The following ITIH6 variants were observed in gnomAD, a reference collection of about 807,000 sequenced individuals.
The protein encoded by ITIH6 is inter-alpha-trypsin inhibitor heavy chain family member 6.
In ITIH6, 60 loss-of-function variants were observed where a neutral mutation model predicts 58.2. That is an observed-to-expected ratio of 1.03 (90% CI 0.84 to 1.28). The LOEUF is 1.28. Among genes scored for constraint, ITIH6 ranks in the 50% most tolerant of loss-of-function variants. The pLI is 0.00. For missense variants in ITIH6, 1,290 were observed against 1,021.1 expected (o/e 1.26, Z -3.59); for synonymous variants, 493 against 417.4 (o/e 1.18, Z -2.21).
At chrX:54,759,045 C>G in intron 7 of ITIH6, 47 bp from the exon 8 acceptor site, 1 of 959,521 alleles carries the variant, frequency 1.0e-6, no homozygotes, top group Non-Finnish European at 1.4e-6. Context: ...GTCACTTCTA[C>G]CCCCATTGCA....
intron 6 of ITIH6, among the ~76,000 whole-genome samples, chrX:54,770,330 A>G (rs1297981493): frequency 8.9e-6 from 1 of 111,921 alleles, no homozygotes; most frequent in Admixed American, 9.4e-5. Context: ...TGCAGAAATC[A>G]CCCGTCTTAT....
intron 12 of ITIH6, among the ~76,000 whole-genome samples, 176 bp downstream of exon 12, chrX:54,750,827 C>T (rs758446366): frequency 5.4e-4 from 61 of 112,172 alleles, no homozygotes; most frequent in Non-Finnish European, 1.0e-3. Context: ...CAATGATCCC[C>T]TCCTGTGTTC....
intron 11 of ITIH6, among the ~76,000 whole-genome samples, 174 bp from the exon 12 acceptor site, chrX:54,751,554 T>C (rs1450541642): frequency 8.9e-6 from 1 of 111,957 alleles, no homozygotes; most frequent in Non-Finnish European, 1.9e-5. Flanking sequence ...GTGTGTGGAG[T>C]GGGGGCATGT....
intron 5 of ITIH6, among the ~76,000 whole-genome samples, chrX:54,778,579 G>C (rs1350360950): frequency 8.9e-6 from 1 of 111,858 alleles, no homozygotes; most frequent in Non-Finnish European, 1.9e-5. Context: ...AAAATAAACA[G>C]TAAGAAGAGA....
At chrX:54,779,076 G>T (rs1374591924) in intron 5 of ITIH6, among the ~76,000 whole-genome samples, 1 of 112,066 alleles carries the variant, frequency 8.9e-6, no homozygotes, top group African/African-American at 3.2e-5. Context: ...GAGTTTCCCA[G>T]ACAAAAAAGA....
chrX:54,791,009 A>G lies in ITIH6; in HGVS notation c.444T>C (p.Tyr148=). 1 of 1,211,857 alleles carries G rather than the reference A, an allele frequency of 8.3e-7. No homozygotes were observed. Among genetic ancestry groups the G allele is most frequent in the East Asian group, 3.0e-5 (1 of 33,839 alleles). Residue 148 remains tyrosine (Y), a synonymous_variant, in exon 4 of 13, where the codon TAT becomes TAC. Transcript: ENST00000218436. The part of the protein sequence containing the change: ...AGTEVTFSLA[Y]EELLQRHQGQ... Reference sequence around the variant, plus strand: ...CCTGGTGCCGCTGAAGCAGTTCCTCATAGGCCAGGGAAAAAGTCACCTCTG... The same window carrying G: ...CCTGGTGCCGCTGAAGCAGTTCCTCGTAGGCCAGGGAAAAAGTCACCTCTG...
rs756454406 is a variant in ITIH6, at chrX:54,757,474, G to T, written c.2600C>A (p.Thr867Lys). 8.3e-7 allele frequency: 1 copy of T among 1,211,167 alleles called. No individual in the cohort carries two copies. Residue 867 changes from threonine (T) to lysine (K), a missense_variant, in exon 8 of 13, where the codon ACA (threonine) becomes AAA (lysine). Transcript: ENST00000218436. Reference protein sequence around the residue: ...KPSAPPHQISTSISLSKPETP... With the variant: ...KPSAPPHQISKSISLSKPETP... ...CTCAGGCTTGGAAAGTGATATGCTT[G>T]TGGAAATTTGGTGTGGTGGGGCACT...
In ITIH6 at chrX:54,758,197, G is replaced by A. The variant is rs776482698; in HGVS notation, c.1877C>T (p.Thr626Ile). 11 of 1,211,275 alleles carry A rather than the reference G, an allele frequency of 9.1e-6. No homozygotes were observed. The highest frequency in any genetic ancestry group is 1.2e-5 in the Non-Finnish European group (11 of 895,127). Residue 626 changes from threonine (T) to isoleucine (I), a missense_variant, in exon 8 of 13, where the codon ACC (threonine) becomes ATC (isoleucine). By Grantham distance (89) the Thr-to-Ile change is moderately conservative. Coordinates refer to ENST00000218436, the MANE Select transcript of ITIH6 (RefSeq NM_198510.3). ...CATGATGGTGTCTGGCCCAGCAGAG[G>A]TGGAAGTCTGTCTCCTGGTCTCCTC... ...ASEETRRQTS[T>I]SAGPDTIMPS...
intron 12 of ITIH6, among the ~76,000 whole-genome samples, chrX:54,750,308 C>T (rs1602048142): frequency 9.0e-6 from 1 of 110,654 alleles, no homozygotes; most frequent in Non-Finnish European, 1.9e-5. Flanking sequence ...AAGTAGGGAG[C>T]CAAAGTACAT....
In ITIH6 at chrX:54,751,278, G is replaced by A; in HGVS notation, c.3455C>T (p.Pro1152Leu). 2 of 1,211,985 alleles carry A rather than the reference G, an allele frequency of 1.7e-6. No homozygotes were observed. Among genetic ancestry groups the A allele is most frequent in the Non-Finnish European group, 2.2e-6 (2 of 895,505 alleles). Residue 1152 changes from proline (P) to leucine (L), a missense_variant, in exon 12 of 13, where the codon CCC (proline) becomes CTC (leucine). Transcript: ENST00000218436. ...GCTGATGGTGATAGTATAGGCCCGG[G>A]GTTTGTCTGTAGTGACTGTGATGAT... ...FQIITVTTDK[P>L]RAYTITISRS... is the part of the protein sequence containing the mutation.
At chrX:54,793,349 C>G (rs1021947269) in intron 2 of ITIH6, among the ~76,000 whole-genome samples, 1 of 111,108 alleles carries the variant, frequency 9.0e-6, no homozygotes, top group Non-Finnish European at 1.9e-5. Context: ...CTTGACATCT[C>G]CACTAGGATG....
intron 5 of ITIH6, 114 bp downstream of exon 5, chrX:54,788,366 C>G (rs764623813): frequency 1.6e-6 from 1 of 627,926 alleles, no homozygotes. Context: ...TATCCTTGTT[C>G]CCTAGCCCTT....
At chrX:54,774,042 G>A (rs1460499436) in intron 6 of ITIH6, 39 bp downstream of exon 6, 3 of 850,240 alleles carry the variant, frequency 3.5e-6, no homozygotes, top group Non-Finnish European at 5.1e-6. Flanking sequence ...TGGGTCTTCT[G>A]ATACTAGGAC....
At chrX:54,794,355 C>G (rs73482266) in intron 2 of ITIH6, among the ~76,000 whole-genome samples, 4,062 of 110,809 alleles carry the variant, frequency 0.037, 207 homozygotes, top group African/African-American at 0.13. Context: ...GTGTTTTTTT[C>G]AACTGAAGCA....
At position 54,774,210 on chromosome X, in the gene ITIH6, A is replaced by G. The variant is rs1948108751; in HGVS notation, c.787-13T>C. 3 of 904,920 alleles carry G rather than the reference A, an allele frequency of 3.3e-6. No individual in the cohort carries two copies. The highest frequency in any genetic ancestry group is 4.6e-6 in the Non-Finnish European group (3 of 656,503). 74.6% of individuals were successfully genotyped at this position (904,920 alleles called of 1,213,427 possible). A position where few individuals can be genotyped will look rare whatever the true frequency, so the allele number is the denominator to read the frequency against. Reference sequence around the variant, plus strand: ...AGTCATCGTAAATCTGGACCAAAAAAAAAAAAAAAAAAGTAGAACCAAGAA... The same window carrying G: ...AGTCATCGTAAATCTGGACCAAAAAGAAAAAAAAAAAAGTAGAACCAAGAA... On this transcript the variant is annotated splice_polypyrimidine_tract_variant and intron_variant, in intron 5 of 12. Transcript: ENST00000218436.
At chrX:54,774,311 C>T in intron 5 of ITIH6, 114 bp from the exon 6 acceptor site, 1 of 361,881 alleles carries the variant, frequency 2.8e-6, no homozygotes, top group African/African-American at 2.6e-5. Context: ...CCCAGGACTT[C>T]TCACTGTTTC....
intron 6 of ITIH6, among the ~76,000 whole-genome samples, chrX:54,768,529 C>G (rs1214601960): frequency 3.2e-4 from 32 of 100,149 alleles, no homozygotes; most frequent in African/African-American, 1.2e-3. Context: ...GCGGCTGGTA[C>G]CGGTTGTTCC....
intron 6 of ITIH6, among the ~76,000 whole-genome samples, chrX:54,767,312 C>G (rs1928815477): frequency 9.2e-6 from 1 of 108,374 alleles, no homozygotes. Flanking sequence ...AGCGGTCTAT[C>G]AGTTTTGTTG....
intron 2 of ITIH6, among the ~76,000 whole-genome samples, chrX:54,792,942 C>T (rs923751033): frequency 8.1e-5 from 9 of 110,966 alleles, no homozygotes; most frequent in African/African-American, 3.0e-4. Flanking sequence ...CACTCCAAGG[C>T]TCTGTTGTCA....
Sources: allele counts gnomAD v4.1 joint callset (sites outside exome capture counted in the v4.1 genomes callset), GRCh38; gene constraint gnomAD v4.1.1; transcripts MANE v1.5; gene names NCBI Gene and HGNC (gene_info 2026-07-23, HGNC 2026-07-21).